Variants in FSCN1 observed in about 807,000 individuals in gnomAD.
FSCN1 encodes fascin actin-bundling protein 1.
In FSCN1, 10 loss-of-function variants were observed where a neutral mutation model predicts 39.7. The observed-to-expected ratio is 0.25, with a 90% confidence interval of 0.16 to 0.43. FSCN1 has a LOEUF of 0.43. FSCN1 is among the 20% of genes least tolerant of loss of function. The probability of loss-of-function intolerance (pLI) is 1.00; values close to 1 mark genes in which losing one functional copy is unlikely to be tolerated. For missense variants in FSCN1, 525 were observed against 723.8 expected, an observed-to-expected ratio of 0.73 and a Z score of 3.15; for synonymous variants, 322 against 320.0, an observed-to-expected ratio of 1.01 and a Z score of -0.07.
At chr7:5,604,407 G>C (rs1423774452) in intron 4 of FSCN1, among the ~76,000 whole-genome samples, 2 of 152,042 alleles carry the variant, frequency 1.3e-5, no homozygotes, top group African/African-American at 4.8e-5. Flanking sequence ...CTCGGTTATG[G>C]GACTGGAGCC....
At chr7:5,596,180 C>T (rs2128548876) in intron 1 of FSCN1, among the ~76,000 whole-genome samples, 1 of 151,622 alleles carries the variant, frequency 6.6e-6, no homozygotes, top group Non-Finnish European at 1.5e-5. Flanking sequence ...CTGCAGAGGC[C>T]ATTTTGGACG....
chr7:5,597,905 T>C (rs1310606735), intron 1 of FSCN1, among the ~76,000 whole-genome samples: 3 of 152,120 alleles, frequency 2.0e-5, no homozygotes, highest in African/African-American at 7.2e-5. Context: ...CGGGGGCTTC[T>C]GTGGGCCTGT....
intron 1 of FSCN1, among the ~76,000 whole-genome samples, chr7:5,595,065 T>C (rs1296152432): frequency 6.6e-6 from 1 of 152,164 alleles, no homozygotes; most frequent in Non-Finnish European, 1.5e-5. Context: ...GGGATCTTTT[T>C]CCCTGGATAG....
rs542941432 is a variant in FSCN1 at position 5,605,196 on chromosome 7, G to T, written c.1280-76G>T. 208 of 1,134,962 alleles carry T rather than the reference G, an allele frequency of 1.8e-4. No homozygotes were observed. The highest frequency in any genetic ancestry group is 2.8e-4 in the Middle Eastern group (1 of 3,512). The allele number at this position is 1,134,962 out of a possible 1,614,324, so 70.3% of individuals were successfully genotyped here. A position where few individuals can be genotyped will look rare whatever the true frequency, so the allele number is the denominator to read the frequency against. ...TGGGGCGTCACCCTTGGGAACACCC[G>T]TGCCCACCCTCCGCTGCCCAGGGTA... On this transcript the variant is annotated intron_variant, in intron 4 of 4. Transcript: ENST00000382361. This position sits in a 1 kb window ranked among gnomAD's most constrained non-coding sequence, Gnocchi z 6.9.
chr7:5,599,231 G>A lies in FSCN1; in HGVS notation c.833-4026G>A, dbSNP rs1785784431. 1.3e-5 allele frequency among the ~76,000 whole-genome samples: 2 copies of A among 152,142 alleles called. No individual in the cohort carries two copies. Among genetic ancestry groups the A allele is most frequent in the East Asian group, 3.9e-4 (2 of 5,186 alleles). ...GATGCTCGTCGGAGGGCAGAGGGTG[G>A]GCTACCGGCTTAAGGGGCCCCAGGG... On this transcript the variant is annotated intron_variant, in intron 1 of 4. Transcript: ENST00000382361. The surrounding 1 kb of genome is among the most constrained non-coding windows in gnomAD (Gnocchi z 5.6).
Position 5,593,098 on chromosome 7 carries a change from G to A in FSCN1, c.162G>A (p.Glu54=). Reference sequence around the variant, plus strand: ...GGACGCTGGAGCAGCCCCCTGACGAGGCGGGCAGCGCGGCCGTGTGCCTGC... The same window carrying A: ...GGACGCTGGAGCAGCCCCCTGACGAAGCGGGCAGCGCGGCCGTGTGCCTGC... ...QIWTLEQPPD[E]AGSAAVCLRS... Residue 54 remains glutamate (E), a synonymous_variant, in exon 1 of 5, where the codon GAG becomes GAA. Coordinates refer to ENST00000382361, the MANE Select transcript of FSCN1 (RefSeq NM_003088.4). 3.1e-6 allele frequency: 5 copies of A among 1,605,082 alleles called. No individual in the cohort carries two copies. Among genetic ancestry groups the A allele is most frequent in the Non-Finnish European group, 4.2e-6 (5 of 1,177,164 alleles).
chr7:5,604,075 C>A lies in FSCN1; in HGVS notation c.1279+45C>A. ...GCTGCTGGGCAGGGAACCCCTCGGT[C>A]GGGGCTGGGGTCAGTGCTGCGGGGA... On this transcript the variant is annotated intron_variant, in intron 4 of 4. Coordinates refer to ENST00000382361, the MANE Select transcript of FSCN1 (RefSeq NM_003088.4). 2.5e-6 allele frequency: 4 copies of A among 1,587,174 alleles called. No homozygotes were observed. The South Asian group carries it at 3.3e-5, about 13-fold the overall frequency.
In FSCN1 at chr7:5,593,397, A is replaced by G; in HGVS notation, c.461A>G (p.His154Arg). 6.2e-7 allele frequency: 1 copy of G among 1,612,210 alleles called. No individual in the cohort carries two copies. Among genetic ancestry groups the G allele is most frequent in the Non-Finnish European group, 8.5e-7 (1 of 1,179,764 alleles). ...IYSVTRKRYAHLSARPADEIA... is the reference protein window; with the variant it reads ...IYSVTRKRYARLSARPADEIA... ...AGCGTCACCCGTAAGCGCTACGCGC[A>G]CCTGAGCGCGCGGCCGGCCGACGAG... is the stretch of plus-strand genomic sequence containing the variant. The change falls in exon 1 of 5, where the codon CAC becomes CGC. Residue 154 changes from histidine to arginine, a missense_variant. By Grantham distance (29) the His-to-Arg change is conservative. Transcript: ENST00000382361.
chr7:5,602,526 A>G (rs1414685402), intron 1 of FSCN1, among the ~76,000 whole-genome samples: 1 of 152,026 alleles, frequency 6.6e-6, no homozygotes, highest in Non-Finnish European at 1.5e-5. Flanking sequence ...AATCCCTGAC[A>G]TCAGGGCATT....
At position 5,592,827 on chromosome 7, in the gene FSCN1, C is replaced by G. The variant is rs1785655803; in HGVS notation, c.-110C>G. 1.6e-6 allele frequency: 1 copy of G among 638,328 alleles called. No individual in the cohort carries two copies. The highest frequency in any genetic ancestry group is 2.6e-6 in the Non-Finnish European group (1 of 378,804). The allele number at this position is 638,328 out of a possible 1,614,324, so 39.5% of individuals were successfully genotyped here. A position where few individuals can be genotyped will look rare whatever the true frequency, so the allele number is the denominator to read the frequency against. On this transcript the variant is annotated 5_prime_UTR_variant, in exon 1 of 5. Coordinates refer to ENST00000382361, the MANE Select transcript of FSCN1 (RefSeq NM_003088.4). The surrounding 1 kb of genome is among the most constrained non-coding windows in gnomAD (Gnocchi z 5.3). The stretch of plus-strand genomic sequence containing the variant: ...GCTAGCTGGGCTTTGTGGAGCGCTG[C>G]GGAGGGTGCGTGCGGGCCGCGGCAG...
Position 5,603,725 on chromosome 7 carries a change from C to A in FSCN1, c.1111+108C>A. ...CCAAGGCCTGCTCTGTGCTGGGCAT[C>A]CCCCCGGACTGGCCCCGCACTGTCC... On this transcript the variant is annotated intron_variant, in intron 3 of 4. Coordinates refer to ENST00000382361, the MANE Select transcript of FSCN1 (RefSeq NM_003088.4). The surrounding 1 kb of genome is among the most constrained non-coding windows in gnomAD (Gnocchi z 8.5). 2 of 1,526,316 alleles carry A rather than the reference C, an allele frequency of 1.3e-6. No individual in the cohort carries two copies. Among genetic ancestry groups the A allele is most frequent in the Non-Finnish European group, 1.8e-6 (2 of 1,112,554 alleles). 94.5% of individuals were successfully genotyped at this position (1,526,316 alleles called of 1,614,324 possible).
At chr7:5,602,644 C>T (rs911902992) in intron 1 of FSCN1, among the ~76,000 whole-genome samples, 10 of 152,194 alleles carry the variant, frequency 6.6e-5, no homozygotes, top group African/African-American at 1.7e-4. Flanking sequence ...TTCTGGGCCA[C>T]GTTAAGACCC....
rs1208094251 is a variant in FSCN1, at chr7:5,593,228, G to C, written c.292G>C (p.Asp98His). The C allele has an allele frequency of 6.2e-7, 1 of 1,607,852 alleles. No homozygotes were observed. Among genetic ancestry groups the C allele is most frequent in the Admixed American group, 1.7e-5 (1 of 59,598 alleles). Residue 98 changes from aspartate to histidine, a missense_variant, in exon 1 of 5, where the codon GAC becomes CAC. Coordinates refer to ENST00000382361, the MANE Select transcript of FSCN1 (RefSeq NM_003088.4). ...DCRFLIVAHD[D>H]GRWSLQSEAH... ...CCGTTTCCTCATCGTGGCGCACGAC[G>C]ACGGTCGCTGGTCGCTGCAGTCCGA... is the stretch of plus-strand genomic sequence containing the variant.
chr7:5,600,385 G>T (rs1785803754), intron 1 of FSCN1, among the ~76,000 whole-genome samples: 1 of 152,042 alleles, frequency 6.6e-6, no homozygotes, highest in African/African-American at 2.4e-5. Flanking sequence ...TTGCACTCCA[G>T]CCCGGGAGAC....
At position 5,603,499 on chromosome 7, in the gene FSCN1, T is replaced by C. The variant is rs1283390754; in HGVS notation, c.993T>C (p.Asn331=). ...GGVQSTASSK[N]ASCYFDIEWR... ...ACCCTGTCCCGCCATCCCCCAGGAA[T>C]GCCAGCTGCTACTTTGACATCGAGT... The change falls in exon 3 of 5, where the codon AAT becomes AAC. Residue 331 remains asparagine, a synonymous_variant. Coordinates refer to ENST00000382361, the MANE Select transcript of FSCN1 (RefSeq NM_003088.4). The surrounding 1 kb of genome is among the most constrained non-coding windows in gnomAD (Gnocchi z 8.5). The C allele has an allele frequency of 1.9e-6, 3 of 1,614,032 alleles. No homozygotes were observed. The highest frequency in any genetic ancestry group is 2.5e-6 in the Non-Finnish European group (3 of 1,180,034).
At chr7:5,598,675 G>C (rs1358546671) in intron 1 of FSCN1, among the ~76,000 whole-genome samples, 1 of 152,160 alleles carries the variant, frequency 6.6e-6, no homozygotes, top group East Asian at 1.9e-4. Flanking sequence ...CCTCTTTCTG[G>C]GGAACCTGGA....
Position 5,603,515 on chromosome 7 carries a change from G to C in FSCN1, c.1009G>C (p.Asp337His), listed in dbSNP as rs776651945. The C allele has an allele frequency of 1.2e-6, 2 of 1,614,152 alleles. No individual in the cohort carries two copies. Among genetic ancestry groups the C allele is most frequent in the Non-Finnish European group, 1.7e-6 (2 of 1,180,020 alleles). Residue 337 changes from aspartate (D) to histidine (H), a missense_variant, in exon 3 of 5, where the codon GAC becomes CAC. This residue lies in a region of FSCN1 where 275 missense variants were observed against 351.9 expected (regional missense o/e 0.78). Coordinates refer to ENST00000382361, the MANE Select transcript of FSCN1 (RefSeq NM_003088.4). The surrounding 1 kb of genome is among the most constrained non-coding windows in gnomAD (Gnocchi z 8.5). ...ASSKNASCYF[D>H]IEWRDRRITL... is the part of the protein sequence containing the mutation. Reference sequence around the variant, plus strand: ...CCCCAGGAATGCCAGCTGCTACTTTGACATCGAGTGGCGTGACCGGCGCAT... The same window carrying C: ...CCCCAGGAATGCCAGCTGCTACTTTCACATCGAGTGGCGTGACCGGCGCAT...
At position 5,603,323 on chromosome 7, in the gene FSCN1, G is replaced by A. The variant is rs758712602; in HGVS notation, c.899G>A (p.Arg300His). Reference protein sequence around the residue: ...DQETFQLEIDRDTKKCAFRTH... With the variant: ...DQETFQLEIDHDTKKCAFRTH... The stretch of plus-strand genomic sequence containing the variant: ...GAGACCTTCCAGCTGGAGATCGACC[G>A]CGACACCAAAAAGTGTGCCTTCCGT... The change falls in exon 2 of 5, where the codon CGC becomes CAC. Residue 300 changes from arginine (R) to histidine (H), a missense_variant. Arg to His is a conservative substitution (Grantham distance 29). Around this residue, in one of 3 missense-constraint regions of FSCN1, gnomAD observed 275 missense variants for 351.9 expected, o/e 0.78. Transcript: ENST00000382361. The surrounding 1 kb of genome is among the most constrained non-coding windows in gnomAD (Gnocchi z 8.5). 12 of 1,613,326 alleles carry A rather than the reference G, an allele frequency of 7.4e-6. No individual in the cohort carries two copies. Among genetic ancestry groups the A allele is most frequent in the East Asian group, 2.2e-5 (1 of 44,894 alleles).
chr7:5,595,615 G>T (rs564588997), intron 1 of FSCN1, among the ~76,000 whole-genome samples: 1 of 152,198 alleles, frequency 6.6e-6, no homozygotes, highest in Non-Finnish European at 1.5e-5. Context: ...GTATGGGGGG[G>T]GTGCTGTGTG....
Sources: allele counts gnomAD v4.1 joint callset (sites outside exome capture counted in the v4.1 genomes callset), GRCh38; gene constraint gnomAD v4.1.1; regional missense constraint gnomAD v4.1.1; non-coding constraint Gnocchi (gnomAD v3.1); transcripts MANE v1.5; gene names NCBI Gene and HGNC (gene_info 2026-07-23, HGNC 2026-07-21).